PCDHA7: variants seen among roughly 807,000 people sequenced by gnomAD.
PCDHA7 encodes the protein protocadherin alpha 7.
Under a neutral mutation model 57.2 loss-of-function variants are expected in PCDHA7, and 37 were observed. The observed-to-expected ratio is 0.65, with a 90% CI of 0.50 to 0.85. The LOEUF is 0.85. PCDHA7 is among the 40% of genes least tolerant of loss of function. The pLI is 0.00. For synonymous variants in PCDHA7, 553 were observed against 558.8 expected (o/e 0.99, Z 0.15); for missense variants, 1,188 against 1,241.8 (o/e 0.96, Z 0.65).
chr5:140,957,879 G>T (rs2095393633), intron 1 of PCDHA7, among the ~76,000 whole-genome samples: 1 of 151,960 alleles, frequency 6.6e-6, no homozygotes, highest in Non-Finnish European at 1.5e-5. Flanking sequence ...GTGCTGAAAA[G>T]CTGAAGTTGG....
chr5:140,927,929 C>G (rs762916391), intron 1 of PCDHA7: 1 of 1,614,208 alleles, frequency 6.2e-7, no homozygotes, highest in Non-Finnish European at 8.5e-7. Flanking sequence ...CTGACTCTTT[C>G]GAACCCAGTA....
chr5:140,840,467 A>G (rs1269068872), intron 1 of PCDHA7, among the ~76,000 whole-genome samples: 8 of 152,088 alleles, frequency 5.3e-5, no homozygotes, highest in East Asian at 1.9e-4. Flanking sequence ...AAAGTTGGGG[A>G]AAAAAGTTTA....
intron 1 of PCDHA7, chr5:140,847,434 A>T (rs1554141788): frequency 1.3e-5 from 2 of 149,796 alleles, no homozygotes; most frequent in East Asian, 3.9e-4. Flanking sequence ...TAGACTTGAG[A>T]TACACTAAAA....
chr5:140,983,483 C>T (rs2097053951), intron 3 of PCDHA7, among the ~76,000 whole-genome samples: 1 of 152,220 alleles, frequency 6.6e-6, no homozygotes, highest in African/African-American at 2.4e-5. Flanking sequence ...ATAGTAGTTA[C>T]TAATTATTAA....
chr5:140,936,113 G>T (rs1316824905), intron 1 of PCDHA7, among the ~76,000 whole-genome samples: 1 of 151,964 alleles, frequency 6.6e-6, no homozygotes, highest in African/African-American at 2.4e-5. Flanking sequence ...GGCTGGTCTC[G>T]AACTCCTGAC....
intron 1 of PCDHA7, chr5:140,968,944 G>C (rs782732835): frequency 1.2e-6 from 2 of 1,614,152 alleles, no homozygotes; most frequent in Non-Finnish European, 8.5e-7. Context: ...TCATCATTTT[G>C]AGCATCATCA....
intron 1 of PCDHA7, among the ~76,000 whole-genome samples, chr5:140,940,595 G>A (rs1233586288): frequency 2.0e-5 from 3 of 152,100 alleles, no homozygotes; most frequent in East Asian, 1.9e-4. Context: ...TTTCAGGCAT[G>A]AGCCGCTGCT....
At chr5:140,944,543 G>C (rs2093667961) in intron 1 of PCDHA7, among the ~76,000 whole-genome samples, 1 of 152,142 alleles carries the variant, frequency 6.6e-6, no homozygotes, top group South Asian at 2.1e-4. Context: ...AGTATTTAAA[G>C]ATCATAGTTT....
chr5:141,000,395 C>CTCTATA (rs1213762225), intron 3 of PCDHA7, among the ~76,000 whole-genome samples: 3 of 53,980 alleles, frequency 5.6e-5, no homozygotes, highest in East Asian at 6.1e-4. Flanking sequence ...CTCTCTCTCT[C>CTCTATA]TATATATATA....
intron 1 of PCDHA7, chr5:140,969,211 A>T: frequency 6.2e-7 from 1 of 1,614,206 alleles, no homozygotes; most frequent in Non-Finnish European, 8.5e-7. Context: ...GGGCCCAGAC[A>T]GGACCAGGGC....
At position 140,853,114 on chromosome 5, in the gene PCDHA7, C is replaced by T. The variant is rs2150528456; in HGVS notation, c.2355+16376C>T. 11 of 456,802 alleles carry T rather than the reference C, an allele frequency of 2.4e-5. 1 individual carries two copies. The highest frequency in any genetic ancestry group is 1.1e-3 in the Middle Eastern group (1 of 920). The allele number at this position is 456,802 out of a possible 1,614,324, so 28.3% of individuals were successfully genotyped here. On this transcript the variant is annotated intron_variant, in intron 1 of 3. Coordinates refer to ENST00000525929, the MANE Select transcript of PCDHA7 (RefSeq NM_018910.3). ...CAGGATGGTCTCGATCTCCTGACCT[C>T]ATGATCCTCCCGCCTCAGCCTCCCA...
At chr5:140,865,367 A>G (rs1392735028) in intron 1 of PCDHA7, 1 of 152,348 alleles carries the variant, frequency 6.6e-6, no homozygotes, top group Middle Eastern at 3.4e-3. Flanking sequence ...CAGGATAACC[A>G]TGTTATAGGT....
At chr5:140,873,204 T>TAAAAG (rs2054159059) in intron 1 of PCDHA7, among the ~76,000 whole-genome samples, 1 of 152,168 alleles carries the variant, frequency 6.6e-6, no homozygotes, top group Non-Finnish European at 1.5e-5. Flanking sequence ...AAAACATTCT[T>TAAAAG]TAAGTATTAA....
chr5:141,006,946 G>A (rs1333269040), intron 3 of PCDHA7, among the ~76,000 whole-genome samples: 1 of 152,120 alleles, frequency 6.6e-6, no homozygotes, highest in African/African-American at 2.4e-5. Flanking sequence ...TACCAGATAG[G>A]CAGTTATACA....
At chr5:140,892,827 A>G (rs1304427197) in intron 1 of PCDHA7, among the ~76,000 whole-genome samples, 3 of 152,188 alleles carry the variant, frequency 2.0e-5, no homozygotes, top group African/African-American at 7.2e-5. Context: ...ACAGTGCTAC[A>G]GTGCTGCAAA....
intron 1 of PCDHA7, chr5:140,843,171 G>A: frequency 6.3e-7 from 1 of 1,596,072 alleles, no homozygotes; most frequent in Non-Finnish European, 8.6e-7. Context: ...GCTGCAAGCA[G>A]CCCTCGCATC....
intron 1 of PCDHA7, chr5:140,867,368 C>A (rs1036514483): frequency 6.6e-6 from 1 of 151,940 alleles, no homozygotes; most frequent in African/African-American, 2.4e-5. Context: ...TTTACAGATG[C>A]GTAATGGAAT....
intron 1 of PCDHA7, chr5:140,883,596 T>C: frequency 1.2e-6 from 2 of 1,613,794 alleles, no homozygotes; most frequent in East Asian, 4.5e-5. Context: ...AGCGTGTCGG[T>C]GGGGGTGGCC....
At chr5:140,926,557 C>G (rs2083347198) in intron 1 of PCDHA7, 1 of 241,254 alleles carries the variant, frequency 4.1e-6, no homozygotes. Context: ...GACCCCAGCC[C>G]GCTGCTACTG....
Sources: allele counts gnomAD v4.1 joint callset (sites outside exome capture counted in the v4.1 genomes callset), GRCh38; gene constraint gnomAD v4.1.1; transcripts MANE v1.5; gene names NCBI Gene and HGNC (gene_info 2026-07-23, HGNC 2026-07-21).